The following PPP2R3A variants were observed in gnomAD, a reference collection of about 807,000 sequenced individuals.
The protein encoded by PPP2R3A is serine/threonine-protein phosphatase 2A regulatory subunit B'' subunit alpha.
PPP2R3A carries 80 observed loss-of-function variants against 106.9 expected under a neutral mutation model. That is an observed-to-expected ratio of 0.75 (90% confidence interval 0.62 to 0.90). The LOEUF (loss-of-function observed/expected upper bound fraction) is 0.90, where lower values mean the gene tolerates loss of function less well. Ranked by LOEUF, PPP2R3A falls within the 40% of genes least tolerant of loss-of-function variation. The pLI is 0.00. For missense variants in PPP2R3A, 1,386 were observed against 1,350.4 expected (o/e 1.03, Z -0.41); for synonymous variants, 483 against 468.3 (o/e 1.03, Z -0.41).
intron 12 of PPP2R3A, among the ~76,000 whole-genome samples, chr3:136,104,163 T>C (rs1169847145): frequency 6.6e-6 from 1 of 152,182 alleles, no homozygotes; most frequent in East Asian, 1.9e-4. Context: ...ATAAGATAAA[T>C]AAGAATTTAT....
At chr3:136,074,827 C>T (rs1936545843) in intron 6 of PPP2R3A, among the ~76,000 whole-genome samples, 1 of 152,066 alleles carries the variant, frequency 6.6e-6, no homozygotes, top group South Asian at 2.1e-4. Context: ...AAGAGCTTAC[C>T]AACTCTTCCC....
intron 7 of PPP2R3A, 41 bp downstream of exon 7, chr3:136,078,494 G>A: frequency 1.6e-6 from 2 of 1,265,362 alleles, no homozygotes; most frequent in Middle Eastern, 2.0e-4. Flanking sequence ...GAGCAATTTA[G>A]ATAATTTTCT....
At chr3:136,144,580 G>A (rs1056267151) in intron 13 of PPP2R3A, among the ~76,000 whole-genome samples, 4 of 151,902 alleles carry the variant, frequency 2.6e-5, no homozygotes, top group African/African-American at 9.7e-5. Flanking sequence ...AGAATCGCCT[G>A]AACCTGGGAG....
At position 136,003,076 on chromosome 3, in the gene PPP2R3A, T is replaced by C; in HGVS notation, c.1578T>C (p.Ser526=). 2 of 1,611,742 alleles carry C rather than the reference T, an allele frequency of 1.2e-6. No homozygotes were observed. The highest frequency in any genetic ancestry group is 1.7e-6 in the Non-Finnish European group (2 of 1,179,462). ...CTTTTTCACAGAAGATGGAGACCTC[T>C]CTAAGAGAGCCACTTGCGAAGGGTA... ...LESFSQKMET[S]LREPLAKGKN... Residue 526 remains serine (S), a synonymous_variant, in exon 2 of 14, where the codon TCT becomes TCC. Transcript: ENST00000264977.
intron 1 of PPP2R3A, among the ~76,000 whole-genome samples, chr3:135,994,427 T>G (rs1335428106): frequency 1.3e-5 from 2 of 152,024 alleles, no homozygotes; most frequent in Non-Finnish European, 2.9e-5. Context: ...GCTTGTGGAG[T>G]GGGGGTATGG....
chr3:136,103,603 C>T (rs114682161), intron 12 of PPP2R3A, among the ~76,000 whole-genome samples: 2 of 151,984 alleles, frequency 1.3e-5, no homozygotes, highest in Non-Finnish European at 2.9e-5. Flanking sequence ...TTCCACTGAG[C>T]GGACTCTATA....
chr3:135,977,195 G>A (rs554248120), intron 1 of PPP2R3A, among the ~76,000 whole-genome samples: 1 of 152,202 alleles, frequency 6.6e-6, no homozygotes, highest in East Asian at 1.9e-4. Flanking sequence ...ACCACTCAAT[G>A]TTAAGGAAAA....
intron 3 of PPP2R3A, among the ~76,000 whole-genome samples, chr3:136,030,909 C>T (rs755545038): frequency 6.6e-6 from 1 of 151,704 alleles, no homozygotes; most frequent in Non-Finnish European, 1.5e-5. Flanking sequence ...TTTGCAATTG[C>T]GAATTGTGCT....
chr3:135,978,534 A>G (rs1937483164), intron 1 of PPP2R3A, among the ~76,000 whole-genome samples: 1 of 151,778 alleles, frequency 6.6e-6, no homozygotes, highest in Non-Finnish European at 1.5e-5. Flanking sequence ...CTAAAAAGGA[A>G]AGGTTTAAAC....
intron 2 of PPP2R3A, among the ~76,000 whole-genome samples, chr3:136,025,668 A>T (rs917035462): frequency 6.6e-6 from 1 of 152,122 alleles, no homozygotes; most frequent in Non-Finnish European, 1.5e-5. Flanking sequence ...TTTCTTACAG[A>T]TATATCATTG....
At chr3:136,131,929 G>T (rs866257187) in intron 13 of PPP2R3A, among the ~76,000 whole-genome samples, 3 of 147,224 alleles carry the variant, frequency 2.0e-5, no homozygotes, top group African/African-American at 7.5e-5. Context: ...ACCAAACACC[G>T]CATGTTCTCA....
At chr3:136,128,069 T>G (rs2400727) in intron 13 of PPP2R3A, among the ~76,000 whole-genome samples, 109,288 of 152,056 alleles carry the variant, frequency 0.72, 40,187 homozygotes, top group East Asian at 0.87. Context: ...ATGCCAAATT[T>G]TAAAGACCAT....
intron 5 of PPP2R3A, among the ~76,000 whole-genome samples, chr3:136,061,491 G>T (rs1042786367): frequency 2.0e-5 from 3 of 152,136 alleles, no homozygotes; most frequent in African/African-American, 7.2e-5. Context: ...AGCCGGGTGT[G>T]GTGGCACGTA....
intron 10 of PPP2R3A, among the ~76,000 whole-genome samples, chr3:136,093,891 A>G (rs1937156256): frequency 6.6e-6 from 1 of 152,248 alleles, no homozygotes; most frequent in South Asian, 2.1e-4. Flanking sequence ...CCTTAGGTAT[A>G]TACTCAAGAT....
At chr3:136,104,339 T>C (rs986293376) in intron 12 of PPP2R3A, among the ~76,000 whole-genome samples, 3 of 151,498 alleles carry the variant, frequency 2.0e-5, no homozygotes, top group African/African-American at 7.3e-5. Flanking sequence ...AGAGTTTCGC[T>C]CTTGTTGCCC....
chr3:136,124,706 A>T (rs1440375413), intron 13 of PPP2R3A, among the ~76,000 whole-genome samples: 1 of 152,098 alleles, frequency 6.6e-6, no homozygotes, highest in Non-Finnish European at 1.5e-5. Flanking sequence ...ATAATTAATT[A>T]AACCAAAACC....
In PPP2R3A at chr3:136,083,195, T is replaced by G. The variant is rs982460755; in HGVS notation, c.2788+774T>G. ...TACCTGGCTAATTTTTTTGTATTTTTTTGTAAAGATGGTGGTATGGTTTGG... is the reference window on the plus strand; with the variant it reads ...TACCTGGCTAATTTTTTTGTATTTTGTTGTAAAGATGGTGGTATGGTTTGG... On this transcript the variant is annotated intron_variant, in intron 8 of 13. Coordinates refer to ENST00000264977, the MANE Select transcript of PPP2R3A (RefSeq NM_002718.5). 2.0e-5 allele frequency among the ~76,000 whole-genome samples: 3 copies of G among 152,106 alleles called. No individual in the cohort carries two copies. In the South Asian group the frequency reaches 6.2e-4, roughly 32 times the overall value.
At chr3:136,081,699 G>C (rs557903901) in intron 7 of PPP2R3A, among the ~76,000 whole-genome samples, 1 of 152,076 alleles carries the variant, frequency 6.6e-6, no homozygotes, top group Non-Finnish European at 1.5e-5. Flanking sequence ...GGATTTTGCC[G>C]TAGGGGAGTA....
At chr3:136,055,268 A>T (rs1404820568) in intron 5 of PPP2R3A, 2 of 851,592 alleles carry the variant, frequency 2.3e-6, no homozygotes, top group African/African-American at 3.3e-5. Flanking sequence ...TGAAGTACAA[A>T]TGGATCACAG....
Sources: allele counts gnomAD v4.1 joint callset (sites outside exome capture counted in the v4.1 genomes callset), GRCh38; gene constraint gnomAD v4.1.1; transcripts MANE v1.5; gene names NCBI Gene and HGNC (gene_info 2026-07-23, HGNC 2026-07-21).